The following PCYT1B variants were observed in gnomAD, a reference collection of about 807,000 sequenced individuals.
PCYT1B encodes choline-phosphate cytidylyltransferase B.
Under a neutral mutation model 26.4 loss-of-function variants are expected in PCYT1B, and 10 were observed. The ratio of observed to expected loss-of-function variants is 0.38; its 90% CI spans 0.23 to 0.64. The LOEUF is 0.64. PCYT1B is among the 30% of genes least tolerant of loss of function. The pLI is 0.56. For synonymous variants in PCYT1B, 131 were observed against 108.4 expected (o/e 1.21, Z -1.29); for missense variants, 161 against 292.7 (o/e 0.55, Z 3.28).
At chrX:24,656,536 TTTTTTCTTTTTTTCC>T (rs1378584998) in intron 1 of PCYT1B, among the ~76,000 whole-genome samples, 2 of 92,708 alleles carry the variant, frequency 2.2e-5, no homozygotes, top group Non-Finnish European at 4.0e-5. Context: ...CAATATTCTT[TTTTTTCTTTTTTTCC>T]TTTTTTTTTT....
chrX:24,565,784 C>CA (rs141453106), intron 7 of PCYT1B, among the ~76,000 whole-genome samples: 3,520 of 77,383 alleles, frequency 0.045, 50 homozygotes, highest in South Asian at 0.059. Context: ...TTCTGTACCT[C>CA]AAAAAAAAAA....
At chrX:24,635,625 A>C (rs997210661) in intron 1 of PCYT1B, among the ~76,000 whole-genome samples, 10 of 111,990 alleles carry the variant, frequency 8.9e-5, no homozygotes, top group Non-Finnish European at 1.9e-4. Context: ...CAGTAAGGTG[A>C]TTGCTTTACC....
intron 6 of PCYT1B, among the ~76,000 whole-genome samples, chrX:24,575,752 G>A (rs1178185072): frequency 8.9e-6 from 1 of 112,370 alleles, no homozygotes; most frequent in Non-Finnish European, 1.9e-5. Context: ...ACTGGGATAT[G>A]GTTAAAACAA....
chrX:24,649,343 A>G (rs1430271988), upstream of PCYT1B, among the ~76,000 whole-genome samples: 3 of 112,015 alleles, frequency 2.7e-5, no homozygotes, highest in African/African-American at 9.8e-5. Flanking sequence ...GTGCAGCAGC[A>G]GCCCTGGTCA....
intron 7 of PCYT1B, among the ~76,000 whole-genome samples, chrX:24,574,558 A>T (rs374352074): frequency 8.9e-6 from 1 of 111,752 alleles, no homozygotes; most frequent in East Asian, 2.8e-4. Flanking sequence ...ATGAAAAACC[A>T]GGGGAAAATC....
rs959660398 is a variant in PCYT1B, at chrX:24,657,177, C to T, written c.63+15393G>A. On this transcript the variant is annotated intron_variant, in intron 1 of 7. Transcript: ENST00000379145. ...ATTGTCTAATTAATATCTAATCATC[C>T]GTTTACAAGTAATAATCACACATGT... is the stretch of plus-strand genomic sequence containing the variant. 7.2e-5 allele frequency among the ~76,000 whole-genome samples: 8 copies of T among 111,507 alleles called. 1 individual carries two copies. In the Admixed American group the frequency reaches 7.7e-4, roughly 11 times the overall value.
rs1285480089 is a variant in PCYT1B at position 24,579,197 on chromosome X, A to AG, written c.708+118_708+119insC. 11 of 604,107 alleles carry AG rather than the reference A, an allele frequency of 1.8e-5. No homozygotes were observed. In the African/African-American group the frequency reaches 2.5e-4, roughly 14 times the overall value. 49.8% of individuals were successfully genotyped at this position (604,107 alleles called of 1,213,427 possible). A position where few individuals can be genotyped will look rare whatever the true frequency, so the allele number is the denominator to read the frequency against. ...ACCCCATCTCTACACAAAAAAAAAA[A>AG]AAAGAGAGAGAGAGAGGGAGAACAC... On this transcript the variant is annotated intron_variant, in intron 6 of 7. Transcript: ENST00000379144.
chrX:24,651,930 G>A (rs1318200602), upstream of PCYT1B, among the ~76,000 whole-genome samples: 1 of 111,378 alleles, frequency 9.0e-6, no homozygotes, highest in Non-Finnish European at 1.9e-5. Flanking sequence ...TGAGCAAATA[G>A]AAAGATGCAC....
chrX:24,662,673 CTCTT>C (rs1243495324), intron 1 of PCYT1B, among the ~76,000 whole-genome samples: 1 of 111,856 alleles, frequency 8.9e-6, no homozygotes, highest in Non-Finnish European at 1.9e-5. Flanking sequence ...TTCTAATAGT[CTCTT>C]TGTTTGGGTT....
At chrX:24,621,937 A>G (rs1287428849) in intron 1 of PCYT1B, 12 of 328,098 alleles carry the variant, frequency 3.7e-5, no homozygotes, top group Non-Finnish European at 4.8e-5. Context: ...AGTTACTCAA[A>G]GGGGAAGAAA....
intron 7 of PCYT1B, among the ~76,000 whole-genome samples, chrX:24,570,005 A>G (rs1282133992): frequency 1.8e-5 from 2 of 109,560 alleles, no homozygotes; most frequent in East Asian, 5.8e-4. Flanking sequence ...CCAACATGGC[A>G]AAACCCCACC....
chrX:24,626,421 T>C (rs1925886020), intron 1 of PCYT1B, among the ~76,000 whole-genome samples: 1 of 112,063 alleles, frequency 8.9e-6, no homozygotes, highest in Admixed American at 9.5e-5. Context: ...AAGGAGATAA[T>C]ATTTTGAGAG....
chrX:24,624,071 G>A (rs1160367754), intron 1 of PCYT1B, among the ~76,000 whole-genome samples: 1 of 106,161 alleles, frequency 9.4e-6, no homozygotes, highest in African/African-American at 3.5e-5. Context: ...CCGGGTTCAT[G>A]CCATTCTCCT....
At chrX:24,632,938 G>A (rs759452233) in intron 1 of PCYT1B, among the ~76,000 whole-genome samples, 6 of 111,644 alleles carry the variant, frequency 5.4e-5, no homozygotes, top group Non-Finnish European at 7.5e-5. Context: ...GGCCGGGCAC[G>A]GTGGCTCACG....
intron 2 of PCYT1B, among the ~76,000 whole-genome samples, chrX:24,614,829 C>T (rs1925435211): frequency 8.9e-6 from 1 of 112,228 alleles, no homozygotes; most frequent in Non-Finnish European, 1.9e-5. Context: ...TTTCTGCTAA[C>T]AGTACAATGC....
intron 2 of PCYT1B, among the ~76,000 whole-genome samples, chrX:24,612,115 G>A (rs1925327633): frequency 8.8e-6 from 1 of 113,007 alleles, no homozygotes; most frequent in Non-Finnish European, 1.9e-5. Context: ...ACATGGCAAG[G>A]ACCTGCAGGT....
intron 3 of PCYT1B, among the ~76,000 whole-genome samples, chrX:24,601,454 C>T (rs1924958912): frequency 9.4e-6 from 1 of 106,139 alleles, no homozygotes; most frequent in Non-Finnish European, 1.9e-5. Flanking sequence ...GATCGTGCCA[C>T]TGCACTGCAG....
At chrX:24,566,929 C>T (rs1310519122) in intron 7 of PCYT1B, among the ~76,000 whole-genome samples, 1 of 111,452 alleles carries the variant, frequency 9.0e-6, no homozygotes, top group Admixed American at 9.6e-5. Context: ...AGATATCAAG[C>T]CCCCCTCAAA....
At chrX:24,615,113 C>T (rs1381535382) in intron 2 of PCYT1B, among the ~76,000 whole-genome samples, 1 of 112,134 alleles carries the variant, frequency 8.9e-6, no homozygotes, top group Non-Finnish European at 1.9e-5. Context: ...AGCCACCGCC[C>T]TCGGCCTGAT....
Sources: allele counts gnomAD v4.1 joint callset (sites outside exome capture counted in the v4.1 genomes callset), GRCh38; gene constraint gnomAD v4.1.1; transcripts MANE v1.5; gene names NCBI Gene and HGNC (gene_info 2026-07-23, HGNC 2026-07-21).